CAMTA1: variants seen among roughly 807,000 people sequenced by gnomAD.
The protein encoded by CAMTA1 is calmodulin binding transcription activator 1, also known as calmodulin-binding transcription activator 1.
A neutral mutation model predicts 170.9 loss-of-function variants in CAMTA1; 27 were observed. The observed-to-expected ratio is 0.16, with a 90% CI of 0.12 to 0.22. The LOEUF (loss-of-function observed/expected upper bound fraction) is 0.22, where lower values mean the gene tolerates loss of function less well. Among genes scored for constraint, CAMTA1 ranks in the 10% least tolerant of loss-of-function variants. The probability of loss-of-function intolerance (pLI) is 1.00; values close to 1 mark genes in which losing one functional copy is unlikely to be tolerated. For synonymous variants in CAMTA1, 833 were observed against 891.5 expected, an observed-to-expected ratio of 0.93 and a Z score of 1.17; for missense variants, 1,619 against 2,217.2, an observed-to-expected ratio of 0.73 and a Z score of 5.42.
At chr1:7,172,223 C>T (rs1649771985) in intron 4 of CAMTA1, among the ~76,000 whole-genome samples, 1 of 152,094 alleles carries the variant, frequency 6.6e-6, no homozygotes, top group Admixed American at 6.5e-5. Flanking sequence ...TATCTTGCCT[C>T]ACCGCAACCT....
At chr1:7,740,114 A>G (rs1455146287) in intron 16 of CAMTA1, among the ~76,000 whole-genome samples, 1 of 152,226 alleles carries the variant, frequency 6.6e-6, no homozygotes, top group Admixed American at 6.5e-5. Context: ...TGGTGGGGAC[A>G]CAGCCAAACC....
chr1:6,869,094 C>G (rs1667630697), intron 3 of CAMTA1, among the ~76,000 whole-genome samples: 1 of 152,252 alleles, frequency 6.6e-6, no homozygotes, highest in Non-Finnish European at 1.5e-5. Context: ...GAAAACCCCT[C>G]AGGCTCAGTC....
chr1:6,987,167 T>C (rs1439043854), intron 3 of CAMTA1, among the ~76,000 whole-genome samples: 2 of 107,708 alleles, frequency 1.9e-5, no homozygotes, highest in African/African-American at 8.3e-5. Context: ...GAGACTGTTT[T>C]GTTTTTTTTT....
chr1:7,348,374 G>A (rs1557562931), intron 5 of CAMTA1, among the ~76,000 whole-genome samples: 1 of 152,182 alleles, frequency 6.6e-6, no homozygotes, highest in African/African-American at 2.4e-5. Context: ...AGTCATGCCT[G>A]TCTTCTCACA....
intron 5 of CAMTA1, among the ~76,000 whole-genome samples, chr1:7,335,167 G>A (rs1275168117): frequency 5.7e-5 from 3 of 52,590 alleles, no homozygotes; most frequent in Non-Finnish European, 1.1e-4. Context: ...GTGGGGGTGG[G>A]GGGTGTCAGA....
At chr1:7,459,922 T>A (rs1404871509) in intron 5 of CAMTA1, among the ~76,000 whole-genome samples, 1 of 152,266 alleles carries the variant, frequency 6.6e-6, no homozygotes, top group African/African-American at 2.4e-5. Flanking sequence ...GTTCTAGTCC[T>A]GAGCCTGCAC....
chr1:7,227,189 G>A (rs1219863736), intron 4 of CAMTA1, among the ~76,000 whole-genome samples: 1 of 152,112 alleles, frequency 6.6e-6, no homozygotes, highest in African/African-American at 2.4e-5. Context: ...CTAGGCTGTG[G>A]AGAATGTCAC....
chr1:7,661,857 G>A lies in CAMTA1; in HGVS notation c.796G>A (p.Gly266Ser), dbSNP rs559215203. 158 of 1,611,080 alleles carry A rather than the reference G, an allele frequency of 9.8e-5. No individual in the cohort carries two copies. In the African/African-American group the frequency reaches 1.4e-3, roughly 14 times the overall value. ...GCGGACCCACAACTGCCTCTGCACC[G>A]GCAGCCTGGGTGAGCCGGGGCTCCC... ...QPRTHNCLCT[G>S]SLGAGGSVHH... The change falls in exon 8 of 23, where the codon GGC becomes AGC. Residue 266 changes from glycine to serine, a missense_variant. Gly to Ser is a moderately conservative substitution (Grantham distance 56). Around this residue, in one of 8 missense-constraint regions of CAMTA1, gnomAD observed 731 missense variants for 907.6 expected, o/e 0.81. Transcript: ENST00000303635.
At chr1:7,104,464 A>G (rs1388153477) in intron 4 of CAMTA1, among the ~76,000 whole-genome samples, 4 of 152,122 alleles carry the variant, frequency 2.6e-5, no homozygotes, top group African/African-American at 9.7e-5. Context: ...TTGTCCTGTT[A>G]GCTGCTGTCA....
At chr1:6,942,848 G>T (rs1686879981) in intron 3 of CAMTA1, among the ~76,000 whole-genome samples, 1 of 152,174 alleles carries the variant, frequency 6.6e-6, no homozygotes, top group Admixed American at 6.5e-5. Flanking sequence ...GGCCAGACAC[G>T]ATGTTTGCGT....
chr1:6,994,865 G>A (rs905087258), intron 3 of CAMTA1, among the ~76,000 whole-genome samples: 3 of 151,836 alleles, frequency 2.0e-5, no homozygotes, highest in Non-Finnish European at 2.9e-5. Flanking sequence ...ACAGAGTTTC[G>A]CCATGTTGGT....
At chr1:7,078,370 G>A (rs1639586100) in intron 3 of CAMTA1, among the ~76,000 whole-genome samples, 1 of 152,206 alleles carries the variant, frequency 6.6e-6, no homozygotes, top group Non-Finnish European at 1.5e-5. Flanking sequence ...GGGGGTAGAG[G>A]TGAAGGAGGG....
intron 3 of CAMTA1, among the ~76,000 whole-genome samples, chr1:6,897,498 C>T (rs528248326): frequency 2.8e-4 from 9 of 31,798 alleles, no homozygotes; most frequent in African/African-American, 1.0e-3. Flanking sequence ...GATTGTATAT[C>T]GCTTTTCTGA....
intron 6 of CAMTA1, among the ~76,000 whole-genome samples, chr1:7,546,513 A>G (rs542020814): frequency 1.3e-5 from 2 of 152,234 alleles, no homozygotes; most frequent in Non-Finnish European, 2.9e-5. Flanking sequence ...CTTTGGGTAT[A>G]TAACCAGTAA....
At chr1:7,709,125 T>C (rs1312406426) in intron 11 of CAMTA1, among the ~76,000 whole-genome samples, 1 of 152,172 alleles carries the variant, frequency 6.6e-6, no homozygotes, top group African/African-American at 2.4e-5. Context: ...AAATTCTGTC[T>C]CTTTTTTCCT....
chr1:7,489,653 C>T (rs2093673224), intron 6 of CAMTA1, among the ~76,000 whole-genome samples: 1 of 152,164 alleles, frequency 6.6e-6, no homozygotes, highest in African/African-American at 2.4e-5. Context: ...AAGCATTGCG[C>T]AGAATTTATC....
intron 3 of CAMTA1, among the ~76,000 whole-genome samples, chr1:7,061,347 A>G (rs1169180492): frequency 6.6e-6 from 1 of 152,194 alleles, no homozygotes; most frequent in African/African-American, 2.4e-5. Context: ...GCCAGCGCGC[A>G]CAGTTGCTAA....
intron 3 of CAMTA1, among the ~76,000 whole-genome samples, chr1:7,077,664 TATTAGTTTTA>T (rs1182009278): frequency 6.6e-6 from 1 of 152,158 alleles, no homozygotes; most frequent in Non-Finnish European, 1.5e-5. Context: ...CTTCTGTTTT[TATTAGTTTTA>T]TTGGGTTTGT....
chr1:7,234,485 G>A lies in CAMTA1; in HGVS notation c.303-15006G>A, dbSNP rs1050151128. Among the ~76,000 whole-genome samples the A allele has an allele frequency of 6.6e-6, 1 of 152,226 alleles. No homozygotes were observed. Among genetic ancestry groups the A allele is most frequent in the Non-Finnish European group, 1.5e-5 (1 of 68,044 alleles). ...GTTCTTCCTCCCTACCGGACTGCAAGCTGTGCAGAGGCAGGGCTGTGGCAC... is the reference window on the plus strand; with the variant it reads ...GTTCTTCCTCCCTACCGGACTGCAAACTGTGCAGAGGCAGGGCTGTGGCAC... On this transcript the variant is annotated intron_variant, in intron 4 of 22. Coordinates refer to ENST00000303635, the MANE Select transcript of CAMTA1 (RefSeq NM_015215.4). This position sits in a 1 kb window ranked among gnomAD's most constrained non-coding sequence, Gnocchi z 5.0.
Sources: allele counts gnomAD v4.1 joint callset (sites outside exome capture counted in the v4.1 genomes callset), GRCh38; gene constraint gnomAD v4.1.1; regional missense constraint gnomAD v4.1.1; non-coding constraint Gnocchi (gnomAD v3.1); transcripts MANE v1.5; gene names NCBI Gene and HGNC (gene_info 2026-07-23, HGNC 2026-07-21).